RHD: variants seen among roughly 807,000 people sequenced by gnomAD.
RHD encodes the protein blood group Rh(D) polypeptide.
Under a neutral mutation model 45.5 loss-of-function variants are expected in RHD, and 16 were observed. The ratio of observed to expected loss-of-function variants is 0.35; its 90% CI spans 0.24 to 0.53. The LOEUF (loss-of-function observed/expected upper bound fraction) is 0.53, where lower values mean the gene tolerates loss of function less well. RHD is among the 20% of genes least tolerant of loss of function. The pLI is 0.92. For synonymous variants in RHD, 131 were observed against 217.5 expected, an observed-to-expected ratio of 0.60 and a Z score of 3.50; for missense variants, 306 against 532.0, an observed-to-expected ratio of 0.58 and a Z score of 4.18.
intron 3 of RHD, among the ~76,000 whole-genome samples, chr1:25,295,800 G>A (rs2986164): frequency 0.79 from 78,733 of 99,552 alleles, 33,549 homozygotes; most frequent in Middle Eastern, 0.91. Context: ...AGGGAGCTGG[G>A]GATGTTTGGG....
At position 25,306,572 on chromosome 1, in the gene RHD, G is replaced by A; in HGVS notation, c.940-24G>A. 2.2e-6 allele frequency: 3 copies of A among 1,376,098 alleles called. 1 individual carries two copies. In the South Asian group the frequency reaches 3.5e-5, roughly 16 times the overall value. 85.2% of individuals were successfully genotyped at this position (1,376,098 alleles called of 1,614,324 possible). A position where few individuals can be genotyped will look rare whatever the true frequency, so the allele number is the denominator to read the frequency against. On this transcript the variant is annotated intron_variant, in intron 6 of 9. Transcript: ENST00000328664. ...GAATATGGGTCTCACCTGCCAATCT[G>A]CTTATAATAACACTTGTCCACAGGG...
intron 2 of RHD, among the ~76,000 whole-genome samples, chr1:25,287,364 G>A (rs1026268602): frequency 7.4e-6 from 1 of 135,284 alleles, no homozygotes; most frequent in Non-Finnish European, 1.8e-5. Context: ...CTAGAAAGAC[G>A]AGAAGGGAGA....
chr1:25,284,640 C>T lies in RHD; in HGVS notation c.216C>T (p.His72=). 7.2e-7 allele frequency: 1 copy of T among 1,389,016 alleles called. No homozygotes were observed. The highest frequency in any genetic ancestry group is 1.0e-6 in the Non-Finnish European group (1 of 985,598). The allele number at this position is 1,389,016 out of a possible 1,614,324, so 86.0% of individuals were successfully genotyped here. The part of the protein sequence containing the change: ...LGFLTSSFRR[H]SWSSVAFNLF... Reference sequence around the variant, plus strand: ...TCCTCACCTCGAGTTTCCGGAGACACAGCTGGAGCAGTGTGGCCTTCAACC... The same window carrying T: ...TCCTCACCTCGAGTTTCCGGAGACATAGCTGGAGCAGTGTGGCCTTCAACC... The change falls in exon 2 of 10, where the codon CAC becomes CAT. Residue 72 remains histidine, a synonymous_variant. Coordinates refer to ENST00000328664, the MANE Select transcript of RHD (RefSeq NM_016124.6).
In RHD at chr1:25,328,910, G is replaced by A; in HGVS notation, c.1240G>A (p.Ala414Thr). The A allele has an allele frequency of 8.1e-7, 1 of 1,239,502 alleles. No individual in the cohort carries two copies. The highest frequency in any genetic ancestry group is 1.2e-6 in the Non-Finnish European group (1 of 859,844). The allele number at this position is 1,239,502 out of a possible 1,614,324, so 76.8% of individuals were successfully genotyped here. The change falls in exon 10 of 10, where the codon GCT becomes ACT. Residue 414 changes from alanine to threonine, a missense_variant. Ala to Thr is a moderately conservative substitution (Grantham distance 58, BLOSUM62 0). Transcript: ENST00000328664. ...DQVFWKFPHL[A>T]VGF ...TTTGCTTTTACAGTTTCCTCATTTG[G>A]CTGTTGGATTTTAAGCAAAAGCATC...
rs1484809594 is a variant in RHD, at chr1:25,286,105, C to A, written c.335+1346C>A. ...CAACTTTTTATTATAACCTTTTCCA[C>A]ATGCTCCAGAGTGCTCAGAACATGA... On this transcript the variant is annotated intron_variant, in intron 2 of 9. Transcript: ENST00000328664. Among the ~76,000 whole-genome samples, 2 of 135,338 alleles carry A rather than the reference C, an allele frequency of 1.5e-5. 1 individual carries two copies. The highest frequency in any genetic ancestry group is 3.5e-5 in the Non-Finnish European group (2 of 57,106). 88.8% of individuals were successfully genotyped at this position (135,338 alleles called of 152,430 possible).
chr1:25,296,351 A>G (rs1339025644), intron 3 of RHD, among the ~76,000 whole-genome samples: 1 of 124,032 alleles, frequency 8.1e-6, no homozygotes, highest in African/African-American at 2.7e-5. Flanking sequence ...GATTCAAGCA[A>G]TTCTTGTGCC....
At chr1:25,299,582 G>A (rs1643221875) in intron 3 of RHD, among the ~76,000 whole-genome samples, 1 of 128,386 alleles carries the variant, frequency 7.8e-6, no homozygotes, top group Admixed American at 7.6e-5. Context: ...GAACACGCTA[G>A]TGGGTTTGAG....
chr1:25,284,123 C>T (rs1418425872), intron 1 of RHD, among the ~76,000 whole-genome samples: 1 of 135,910 alleles, frequency 7.4e-6, no homozygotes, highest in East Asian at 1.9e-4. Flanking sequence ...TTCTGTGTGT[C>T]CTGGGACAAG....
rs555876131 is a variant in RHD at position 25,288,662 on chromosome 1, A to G, written c.336-1979A>G. ...ACCAAGGCACAGAGTGATTAAATAA[A>G]TTGCCCAGGATCACACAGCCAGAAA... is the stretch of plus-strand genomic sequence containing the variant. On this transcript the variant is annotated intron_variant, in intron 2 of 9. Transcript: ENST00000328664. Among the ~76,000 whole-genome samples the G allele has an allele frequency of 8.6e-3, 1,071 of 124,690 alleles. 36 individuals carry two copies. The highest frequency in any genetic ancestry group is 0.026 in the African/African-American group (888 of 34,360). The allele number at this position is 124,690 out of a possible 152,430, so 81.8% of individuals were successfully genotyped here. A position where few individuals can be genotyped will look rare whatever the true frequency, so the allele number is the denominator to read the frequency against.
In RHD at chr1:25,277,920, C is replaced by T. The variant is rs1316995584; in HGVS notation, c.148+5225C>T. Among the ~76,000 whole-genome samples the T allele has an allele frequency of 3.0e-5, 4 of 133,104 alleles. 1 individual carries two copies. Among genetic ancestry groups the T allele is most frequent in the Admixed American group, 7.3e-5 (1 of 13,750 alleles). The allele number at this position is 133,104 out of a possible 152,430, so 87.3% of individuals were successfully genotyped here. On this transcript the variant is annotated intron_variant, in intron 1 of 9. Coordinates refer to ENST00000328664, the MANE Select transcript of RHD (RefSeq NM_016124.6). ...AACTCCCAACCTCAGGTGATGCACC[C>T]GCCTTGGCCTCCCAAAGTGCTGGGA...
At chr1:25,310,006 A>T (rs1447870436) in intron 7 of RHD, among the ~76,000 whole-genome samples, 1 of 132,868 alleles carries the variant, frequency 7.5e-6, no homozygotes, top group Non-Finnish European at 1.8e-5. Context: ...CCCAACTTAT[A>T]TAGTATAAGC....
In RHD at chr1:25,315,621, T is replaced by C. The variant is rs578017579; in HGVS notation, c.1074-1379T>C. ...ACGCCGTTCTCCTGCCTCAGCCTCC[T>C]GAGTAGCTGGGACTACAGGCGCCTG... On this transcript the variant is annotated intron_variant, in intron 7 of 9. Transcript: ENST00000328664. Among the ~76,000 whole-genome samples the C allele has an allele frequency of 4.3e-3, 543 of 126,124 alleles. 75 individuals are homozygous for C. The highest frequency in any genetic ancestry group is 0.014 in the African/African-American group (517 of 36,578). 82.7% of individuals were successfully genotyped at this position (126,124 alleles called of 152,430 possible).
chr1:25,294,597 C>T lies in RHD; in HGVS notation c.486+3806C>T, dbSNP rs1369796605. ...TGGAGTTCGCAGCAACAGAGCTCGG[C>T]CTCCTTGGGCACCGCAAACGGCACT... On this transcript the variant is annotated intron_variant, in intron 3 of 9. Coordinates refer to ENST00000328664, the MANE Select transcript of RHD (RefSeq NM_016124.6). 1.4e-5 allele frequency: 13 copies of T among 935,690 alleles called. 3 individuals are homozygous for T. Among genetic ancestry groups the T allele is most frequent in the Non-Finnish European group, 5.1e-6 (3 of 584,384 alleles). The allele number at this position is 935,690 out of a possible 1,614,324, so 58.0% of individuals were successfully genotyped here. A position where few individuals can be genotyped will look rare whatever the true frequency, so the allele number is the denominator to read the frequency against.
intron 6 of RHD, among the ~76,000 whole-genome samples, chr1:25,303,912 A>G (rs1365968230): frequency 8.7e-6 from 1 of 114,338 alleles, no homozygotes; most frequent in Non-Finnish European, 2.1e-5. Context: ...CCCAATCCCA[A>G]ATTCTCTGGA....
At chr1:25,302,662 A>T (rs894003771) in intron 5 of RHD, among the ~76,000 whole-genome samples, 1 of 130,082 alleles carries the variant, frequency 7.7e-6, no homozygotes, top group Non-Finnish European at 1.8e-5. Flanking sequence ...CAGCTTATTG[A>T]AACTGGGCCC....
chr1:25,293,019 C>T lies in RHD; in HGVS notation c.486+2228C>T, dbSNP rs560541069. ...GCTGAATGCTGCTGAGAGGTCAAGTCGGATGAGGGCTGGGAAGTAGCCATT... is the reference window on the plus strand; with the variant it reads ...GCTGAATGCTGCTGAGAGGTCAAGTTGGATGAGGGCTGGGAAGTAGCCATT... On this transcript the variant is annotated intron_variant, in intron 3 of 9. Coordinates refer to ENST00000328664, the MANE Select transcript of RHD (RefSeq NM_016124.6). 4.7e-5 allele frequency among the ~76,000 whole-genome samples: 6 copies of T among 128,726 alleles called. 1 individual carries two copies. The East Asian group carries it at 5.9e-4, about 13-fold the overall frequency. The allele number at this position is 128,726 out of a possible 152,430, so 84.4% of individuals were successfully genotyped here.
In RHD at chr1:25,279,056, G is replaced by T. The variant is rs1442492660; in HGVS notation, c.149-5517G>T. ...AGGAGGGGCAAGAGTGGGAGGGGGC[G>T]CAGATCCAGAATCACGGAGGCAGCT... is the stretch of plus-strand genomic sequence containing the variant. On this transcript the variant is annotated intron_variant, in intron 1 of 9. Transcript: ENST00000328664. 2.3e-5 allele frequency among the ~76,000 whole-genome samples: 3 copies of T among 129,710 alleles called. 1 individual carries two copies. The highest frequency in any genetic ancestry group is 5.4e-5 in the Non-Finnish European group (3 of 55,142). The allele number at this position is 129,710 out of a possible 152,430, so 85.1% of individuals were successfully genotyped here.
At position 25,323,511 on chromosome 1, in the gene RHD, T is replaced by C. The variant is rs1372230100; in HGVS notation, c.1227+1549T>C. ...TCTCACTCCGCCACCCACACCGTAATGCAGTGGCACCATCATGGCTCACTG... is the reference window on the plus strand; with the variant it reads ...TCTCACTCCGCCACCCACACCGTAACGCAGTGGCACCATCATGGCTCACTG... On this transcript the variant is annotated intron_variant, in intron 9 of 9. Transcript: ENST00000328664. Among the ~76,000 whole-genome samples, 3 of 126,886 alleles carry C rather than the reference T, an allele frequency of 2.4e-5. 1 individual carries two copies. The highest frequency in any genetic ancestry group is 5.5e-5 in the Non-Finnish European group (3 of 54,328). 83.2% of individuals were successfully genotyped at this position (126,886 alleles called of 152,430 possible). A position where few individuals can be genotyped will look rare whatever the true frequency, so the allele number is the denominator to read the frequency against.
At position 25,315,750 on chromosome 1, in the gene RHD, C is replaced by A. The variant is rs1387524058; in HGVS notation, c.1074-1250C>A. Among the ~76,000 whole-genome samples, 4 of 130,400 alleles carry A rather than the reference C, an allele frequency of 3.1e-5. 1 individual carries two copies. Among genetic ancestry groups the A allele is most frequent in the Non-Finnish European group, 7.2e-5 (4 of 55,462 alleles). 85.5% of individuals were successfully genotyped at this position (130,400 alleles called of 152,430 possible). Reference sequence around the variant, plus strand: ...TGACCTCATGATCTGCCCGCCTCGGCCTCCCAAAGTGTGGGGATTACAGGT... The same window carrying A: ...TGACCTCATGATCTGCCCGCCTCGGACTCCCAAAGTGTGGGGATTACAGGT... On this transcript the variant is annotated intron_variant, in intron 7 of 9. Transcript: ENST00000328664.
Sources: gnomAD v4.1 joint callset for allele counts (sites outside exome capture counted in the v4.1 genomes callset) on GRCh38, gnomAD v4.1.1 for gene constraint, MANE v1.5 for transcripts, NCBI Gene and HGNC (gene_info 2026-07-23, HGNC 2026-07-21) for gene names.